Variants in SAP18 observed in about 807,000 individuals in gnomAD.
SAP18 encodes the protein histone deacetylase complex subunit SAP18.
Under a neutral mutation model 18.6 loss-of-function variants are expected in SAP18, and 4 were observed. That is an observed-to-expected ratio of 0.21 (90% CI 0.11 to 0.49). The LOEUF (loss-of-function observed/expected upper bound fraction) is 0.49, where lower values mean the gene tolerates loss of function less well. Ranked by LOEUF, SAP18 falls within the 20% of genes least tolerant of loss-of-function variation. SAP18 has a pLI of 0.98. For missense variants in SAP18, 170 were observed against 226.4 expected (o/e 0.75, Z 1.60); for synonymous variants, 112 against 82.8 (o/e 1.35, Z -1.92).
At chr13:21,146,756 A>G in intron 2 of SAP18, 49 bp from the exon 3 acceptor site, 1 of 1,441,872 alleles carries the variant, frequency 6.9e-7, no homozygotes, top group Non-Finnish European at 9.5e-7. Context: ...TTTTAATATT[A>G]TTGCTGATTA....
upstream of SAP18, chr13:21,140,395 G>C: frequency 1.4e-6 from 1 of 721,188 alleles, no homozygotes; most frequent in South Asian, 1.9e-5. Flanking sequence ...CCTCCTCCCC[G>C]CGGACGTCAG....
chr13:21,145,240 A>G (rs1006326522), intron 2 of SAP18, among the ~76,000 whole-genome samples: 3 of 151,914 alleles, frequency 2.0e-5, no homozygotes, highest in African/African-American at 2.4e-5. Context: ...CATGCACACA[A>G]TTACTTAAAA....
At chr13:21,147,490 C>A in exon 4 of SAP18, 1 of 710,062 alleles carries the variant, frequency 1.4e-6, no homozygotes, top group Non-Finnish European at 2.4e-6. Flanking sequence ...TTTGGATGTG[C>A]TATTGTATGA....
exon 4 of SAP18, chr13:21,147,649 AAGT>A (rs1195346322): frequency 3.9e-6 from 1 of 258,618 alleles, no homozygotes; most frequent in Non-Finnish European, 7.4e-6. Flanking sequence ...GGTTTATACT[AAGT>A]AGTGGAGGAG....
chr13:21,140,807 C>T, intron 1 of SAP18, 79 bp from the exon 2 acceptor site: 1 of 1,570,176 alleles, frequency 6.4e-7, no homozygotes, highest in Non-Finnish European at 8.8e-7. Context: ...GAGGCCGCAA[C>T]GCCTCGGGAA....
chr13:21,140,373 G>A (rs144104964), upstream of SAP18: 8 of 617,480 alleles, frequency 1.3e-5, no homozygotes, highest in East Asian at 1.4e-4. Context: ...GCTAGGCGAC[G>A]GACGCTAAGC....
At chr13:21,146,295 T>C (rs970036293) in intron 2 of SAP18, among the ~76,000 whole-genome samples, 1 of 152,136 alleles carries the variant, frequency 6.6e-6, no homozygotes, top group Admixed American at 6.5e-5. Flanking sequence ...TGCAGTGAGC[T>C]GAGGTCACGC....
chr13:21,144,862 C>T lies in SAP18; in HGVS notation c.240-1943C>T, dbSNP rs145997015. 4.6e-5 allele frequency among the ~76,000 whole-genome samples: 7 copies of T among 152,112 alleles called. No individual in the cohort carries two copies. The East Asian group carries it at 9.7e-4, about 21-fold the overall frequency. ...GATAAAAGGTGTGATATAAATCCCC[C>T]AAATTAATTAAGAGCAAGACAATAT... On this transcript the variant is annotated intron_variant, in intron 2 of 3. Transcript: ENST00000621421.
chr13:21,144,320 G>T (rs761828013), intron 2 of SAP18, among the ~76,000 whole-genome samples: 2 of 141,274 alleles, frequency 1.4e-5, no homozygotes, highest in Non-Finnish European at 3.0e-5. Context: ...CAGGAGAATT[G>T]CTTGAACCCA....
exon 4 of SAP18, chr13:21,148,522 A>T (rs551072055): frequency 1.3e-5 from 2 of 152,210 alleles, no homozygotes; most frequent in Non-Finnish European, 2.9e-5. Flanking sequence ...ATAAAATTGC[A>T]CTAGTTTTAT....
exon 4 of SAP18, chr13:21,147,458 C>A: frequency 2.2e-6 from 2 of 903,402 alleles, no homozygotes; most frequent in Admixed American, 2.5e-5. Flanking sequence ...AATTATAATG[C>A]ATCATCTATT....
intron 2 of SAP18, among the ~76,000 whole-genome samples, chr13:21,143,468 A>G (rs187142649): frequency 3.5e-4 from 54 of 152,330 alleles, no homozygotes; most frequent in African/African-American, 8.7e-4. Context: ...CTCAAGGGTA[A>G]GTGTTCTAGG....
intron 2 of SAP18, among the ~76,000 whole-genome samples, chr13:21,143,483 T>C (rs1869539022): frequency 1.3e-5 from 2 of 152,190 alleles, no homozygotes; most frequent in African/African-American, 4.8e-5. Flanking sequence ...TCTAGGAAGG[T>C]TGATTTAGCT....
exon 4 of SAP18, chr13:21,148,423 G>A (rs752246050): frequency 1.3e-5 from 2 of 152,004 alleles, no homozygotes; most frequent in Non-Finnish European, 2.9e-5. Flanking sequence ...TGAACAGTAC[G>A]ACAGTGTATT....
intron 2 of SAP18, among the ~76,000 whole-genome samples, chr13:21,145,065 C>CTT (rs1167195491): frequency 0.033 from 4,257 of 127,690 alleles, 285 homozygotes; most frequent in African/African-American, 0.11. Flanking sequence ...TTCTTGACCT[C>CTT]TTTTTTTTTT....
At position 21,141,127 on chromosome 13, in the gene SAP18, T is replaced by C. The variant is rs567167752; in HGVS notation, c.239+132T>C. 2,320 of 651,652 alleles carry C rather than the reference T, an allele frequency of 3.6e-3. 27 individuals are homozygous for C. Among genetic ancestry groups the C allele is most frequent in the Non-Finnish European group, 3.7e-3 (1,387 of 370,602 alleles). The allele number at this position is 651,652 out of a possible 1,614,324, so 40.4% of individuals were successfully genotyped here. A position where few individuals can be genotyped will look rare whatever the true frequency, so the allele number is the denominator to read the frequency against. ...CCACTTGGGGCCTTCGGACTCAGCT[T>C]TCAGGAAGTTAGAAGTTTTTGTTGT... On this transcript the variant is annotated intron_variant, in intron 2 of 3. Transcript: ENST00000621421.
rs180950342 is a variant in SAP18, at chr13:21,148,422, C to T, written c.*1080C>T. On this transcript the variant is annotated 3_prime_UTR_variant, in exon 4 of 4. Transcript: ENST00000621421. ...CTCATTTTGAAGTTTATGAACAGTA[C>T]GACAGTGTATTGTAAATTCCCTTTA... 32 of 151,930 alleles carry T rather than the reference C, an allele frequency of 2.1e-4. 1 individual carries two copies. The highest frequency in any genetic ancestry group is 6.3e-4 in the African/African-American group (26 of 41,412). The allele number at this position is 151,930 out of a possible 1,614,324, so 9.4% of individuals were successfully genotyped here.
intron 2 of SAP18, chr13:21,141,598 C>T (rs1869465126): frequency 6.5e-6 from 1 of 154,586 alleles, no homozygotes; most frequent in Non-Finnish European, 1.4e-5. Context: ...CACATAACTC[C>T]TTGGATTGAC....
exon 4 of SAP18, chr13:21,148,390 C>G (rs1358683280): frequency 6.6e-6 from 1 of 152,038 alleles, no homozygotes; most frequent in Non-Finnish European, 1.5e-5. Flanking sequence ...TCTTCCATGG[C>G]ACTACTCTCA....
Sources: gnomAD v4.1 joint callset for allele counts (sites outside exome capture counted in the v4.1 genomes callset) on GRCh38, gnomAD v4.1.1 for gene constraint, MANE v1.5 for transcripts, NCBI Gene and HGNC (gene_info 2026-07-23, HGNC 2026-07-21) for gene names.